Variants in DOCK2 observed in about 807,000 individuals in gnomAD.
The protein encoded by DOCK2 is dedicator of cytokinesis 2, also known as dedicator of cytokinesis protein 2.
DOCK2 carries 87 observed loss-of-function variants against 248.9 expected under a neutral mutation model. That is an observed-to-expected ratio of 0.35 (90% CI 0.29 to 0.42). The LOEUF is 0.42. DOCK2 is among the 10% of genes least tolerant of loss of function. The pLI, the probability that DOCK2 is intolerant of heterozygous loss-of-function variation, is 1.00. For synonymous variants in DOCK2, 805 were observed against 821.6 expected (o/e 0.98, Z 0.35); for missense variants, 1,747 against 2,300.2 (o/e 0.76, Z 4.92).
chr5:170,058,457 G>A (rs1469543445), intron 44 of DOCK2, among the ~76,000 whole-genome samples: 1 of 152,170 alleles, frequency 6.6e-6, no homozygotes, highest in Non-Finnish European at 1.5e-5. Flanking sequence ...GCAGAAAGGT[G>A]ATATATGAGG....
At chr5:169,743,854 A>G (rs1369077058) in intron 22 of DOCK2, among the ~76,000 whole-genome samples, 1 of 148,358 alleles carries the variant, frequency 6.7e-6, no homozygotes, top group Non-Finnish European at 1.5e-5. Flanking sequence ...TAAGACATAT[A>G]GATAATATAT....
intron 27 of DOCK2, among the ~76,000 whole-genome samples, chr5:169,951,979 C>T (rs1241665057): frequency 6.6e-6 from 1 of 152,206 alleles, no homozygotes; most frequent in Non-Finnish European, 1.5e-5. Flanking sequence ...AAGTCACTCC[C>T]TTTTATACAA....
intron 25 of DOCK2, among the ~76,000 whole-genome samples, chr5:169,792,837 ATTT>A (rs1461970139): frequency 2.0e-5 from 3 of 152,166 alleles, no homozygotes; most frequent in African/African-American, 4.8e-5. Context: ...CCATATATGC[ATTT>A]TTATTTTTCT....
chr5:170,057,445 C>A, intron 43 of DOCK2, 135 bp from the exon 44 acceptor site: 1 of 740,096 alleles, frequency 1.4e-6, no homozygotes, highest in Non-Finnish European at 2.4e-6. Context: ...CTGGGTCTTG[C>A]AATATTTATT....
At chr5:170,009,977 T>G (rs1286566418) in intron 32 of DOCK2, among the ~76,000 whole-genome samples, 1 of 152,144 alleles carries the variant, frequency 6.6e-6, no homozygotes, top group Non-Finnish European at 1.5e-5. Flanking sequence ...GCTCTGACAT[T>G]TACAGGCTGT....
intron 26 of DOCK2, among the ~76,000 whole-genome samples, chr5:169,819,203 A>C (rs1292508659): frequency 6.6e-6 from 1 of 152,164 alleles, no homozygotes; most frequent in Admixed American, 6.5e-5. Context: ...CCAGCTACTC[A>C]GGACGTTGAG....
chr5:170,006,324 T>C (rs1353671841), intron 30 of DOCK2, among the ~76,000 whole-genome samples: 1 of 152,166 alleles, frequency 6.6e-6, no homozygotes, highest in Non-Finnish European at 1.5e-5. Flanking sequence ...GTTTTTGTTT[T>C]TGTTTTGAGA....
intron 26 of DOCK2, among the ~76,000 whole-genome samples, chr5:169,806,628 C>T (rs1401176587): frequency 6.6e-6 from 1 of 152,214 alleles, no homozygotes; most frequent in African/African-American, 2.4e-5. Flanking sequence ...CCCCACCCTT[C>T]GCTTATTTTA....
intron 33 of DOCK2, among the ~76,000 whole-genome samples, chr5:170,027,593 C>G (rs1755963371): frequency 6.6e-6 from 1 of 152,114 alleles, no homozygotes; most frequent in Admixed American, 6.5e-5. Flanking sequence ...CCCTGACTCT[C>G]CTCCCTCTCT....
chr5:169,796,308 T>C (rs543455722), intron 25 of DOCK2, among the ~76,000 whole-genome samples: 39 of 152,308 alleles, frequency 2.6e-4, no homozygotes, highest in Non-Finnish European at 4.7e-4. Context: ...AGGGATATAG[T>C]GTCCATCTTG....
chr5:169,994,932 GAAC>G (rs756601122), intron 29 of DOCK2, among the ~76,000 whole-genome samples: 5 of 152,064 alleles, frequency 3.3e-5, no homozygotes, highest in Non-Finnish European at 7.4e-5. Context: ...AGGAAGGAGA[GAAC>G]AACATGGAGA....
At chr5:170,054,856 T>C (rs1042870206) in intron 41 of DOCK2, among the ~76,000 whole-genome samples, 4 of 152,140 alleles carry the variant, frequency 2.6e-5, no homozygotes, top group Non-Finnish European at 5.9e-5. Flanking sequence ...CTCGGATCTG[T>C]TCTTACAAGT....
intron 1 of DOCK2, among the ~76,000 whole-genome samples, chr5:169,651,236 G>A (rs1757789144): frequency 2.0e-5 from 3 of 152,168 alleles, no homozygotes; most frequent in African/African-American, 7.2e-5. Context: ...TTCTTCAAAT[G>A]GAGCCTTAAG....
chr5:169,947,021 G>A (rs1776480709), intron 27 of DOCK2, among the ~76,000 whole-genome samples: 1 of 152,182 alleles, frequency 6.6e-6, no homozygotes, highest in Non-Finnish European at 1.5e-5. Context: ...TACCCATGCT[G>A]GAGTGAGTTT....
At chr5:169,896,351 T>A (rs1203001382) in intron 27 of DOCK2, among the ~76,000 whole-genome samples, 1 of 152,140 alleles carries the variant, frequency 6.6e-6, no homozygotes, top group African/African-American at 2.4e-5. Context: ...TAGTGTGGCA[T>A]GGTGGACAAG....
chr5:170,061,928 C>G (rs1757341235), intron 44 of DOCK2, among the ~76,000 whole-genome samples: 1 of 152,216 alleles, frequency 6.6e-6, no homozygotes, highest in Non-Finnish European at 1.5e-5. Flanking sequence ...TTGACAGATA[C>G]TAGACCGTGG....
chr5:170,069,076 G>C, intron 45 of DOCK2, 61 bp from the exon 46 acceptor site: 1 of 1,480,446 alleles, frequency 6.8e-7, no homozygotes, highest in Non-Finnish European at 9.3e-7. Flanking sequence ...CAGTGCCAAA[G>C]AGATTGGCTG....
intron 27 of DOCK2, among the ~76,000 whole-genome samples, chr5:169,849,338 G>C (rs1439801648): frequency 1.3e-5 from 2 of 152,244 alleles, no homozygotes; most frequent in African/African-American, 4.8e-5. Context: ...CAGCTTGTTA[G>C]TGGAAGAACT....
intron 10 of DOCK2, among the ~76,000 whole-genome samples, chr5:169,698,028 G>A (rs1760734252): frequency 1.3e-5 from 2 of 152,202 alleles, no homozygotes; most frequent in Non-Finnish European, 2.9e-5. Context: ...TGTAGGCATG[G>A]TAGACATTCA....
Sources: gnomAD v4.1 joint callset for allele counts (sites outside exome capture counted in the v4.1 genomes callset) on GRCh38, gnomAD v4.1.1 for gene constraint, MANE v1.5 for transcripts, NCBI Gene and HGNC (gene_info 2026-07-23, HGNC 2026-07-21) for gene names.